Variants in EYA2 observed in about 807,000 individuals in gnomAD.
EYA2 encodes the protein EYA transcriptional coactivator and phosphatase 2.
A neutral mutation model predicts 69.2 loss-of-function variants in EYA2; 31 were observed. That is an observed-to-expected ratio of 0.45 (90% confidence interval 0.34 to 0.60). EYA2 has a LOEUF of 0.60. EYA2 is among the 20% of genes least tolerant of loss of function. EYA2 has a pLI of 0.02. For synonymous variants in EYA2, 257 were observed against 279.4 expected (o/e 0.92, Z 0.80); for missense variants, 622 against 701.2 (o/e 0.89, Z 1.28).
chr20:47,163,269 T>C (rs954947527), intron 10 of EYA2, among the ~76,000 whole-genome samples: 1 of 152,008 alleles, frequency 6.6e-6, no homozygotes, highest in Non-Finnish European at 1.5e-5. Context: ...GACCTCAAGC[T>C]ATCTGCCCAC....
chr20:47,118,752 C>T (rs184733632), intron 9 of EYA2, among the ~76,000 whole-genome samples: 1 of 152,322 alleles, frequency 6.6e-6, no homozygotes, highest in East Asian at 1.9e-4. Flanking sequence ...TATAGAATCA[C>T]TCAACTTGGG....
chr20:46,945,546 G>T (rs1286203736), intron 1 of EYA2, among the ~76,000 whole-genome samples: 1 of 152,238 alleles, frequency 6.6e-6, no homozygotes, highest in Non-Finnish European at 1.5e-5. Context: ...GGAAATGCAG[G>T]CTGCTACAAA....
At chr20:47,017,002 G>C (rs1458771378) in intron 5 of EYA2, among the ~76,000 whole-genome samples, 1 of 152,318 alleles carries the variant, frequency 6.6e-6, no homozygotes, top group South Asian at 2.1e-4. Flanking sequence ...CCAGGCAGGA[G>C]GATCAAGGCT....
chr20:46,918,128 G>A (rs1356457219), intron 1 of EYA2, among the ~76,000 whole-genome samples: 1 of 152,036 alleles, frequency 6.6e-6, no homozygotes, highest in Non-Finnish European at 1.5e-5. Context: ...AGACCATCCT[G>A]GCTAACACGC....
intron 10 of EYA2, among the ~76,000 whole-genome samples, chr20:47,165,241 C>G (rs1015728964): frequency 1.3e-5 from 2 of 152,154 alleles, no homozygotes; most frequent in African/African-American, 4.8e-5. Flanking sequence ...CAAAAAAGAT[C>G]ACTCCTTCTT....
intron 9 of EYA2, among the ~76,000 whole-genome samples, chr20:47,105,369 A>C (rs1456920710): frequency 6.6e-6 from 1 of 152,164 alleles, no homozygotes; most frequent in Non-Finnish European, 1.5e-5. Context: ...CCATGCCTGT[A>C]ATCCCAGCAC....
chr20:47,018,728 T>A (rs1193365932), intron 5 of EYA2, among the ~76,000 whole-genome samples: 1 of 152,238 alleles, frequency 6.6e-6, no homozygotes, highest in Non-Finnish European at 1.5e-5. Flanking sequence ...TAATATTCTT[T>A]CTTCTTACAG....
intron 9 of EYA2, chr20:47,117,380 C>G: frequency 3.0e-6 from 3 of 985,404 alleles, no homozygotes; most frequent in Non-Finnish European, 3.6e-6. Flanking sequence ...GATGGAGCCC[C>G]GAATTCACCT....
intron 12 of EYA2, 90 bp from the exon 13 acceptor site, chr20:47,179,708 C>A: frequency 1.2e-6 from 1 of 859,332 alleles, no homozygotes; most frequent in Non-Finnish European, 1.8e-6. Flanking sequence ...TTTTAACCCT[C>A]AGGGTACAGT....
chr20:47,020,343 C>G (rs974774503), intron 5 of EYA2, among the ~76,000 whole-genome samples: 6 of 152,102 alleles, frequency 3.9e-5, no homozygotes, highest in Non-Finnish European at 8.8e-5. Flanking sequence ...GCCATCACCC[C>G]GTAAGGCCCT....
At chr20:46,982,085 C>G (rs2146314377) in intron 1 of EYA2, among the ~76,000 whole-genome samples, 1 of 152,248 alleles carries the variant, frequency 6.6e-6, no homozygotes, top group East Asian at 1.9e-4. Flanking sequence ...ATCTATCCTC[C>G]TGCTCACATA....
At chr20:46,926,054 A>G (rs1453833943) in intron 1 of EYA2, among the ~76,000 whole-genome samples, 3 of 152,234 alleles carry the variant, frequency 2.0e-5, no homozygotes, top group African/African-American at 4.8e-5. Flanking sequence ...AGGAGGTAAT[A>G]TAGCATGCTA....
chr20:47,033,427 A>G (rs560573365), intron 5 of EYA2, among the ~76,000 whole-genome samples: 5 of 152,316 alleles, frequency 3.3e-5, no homozygotes, highest in Admixed American at 2.6e-4. Context: ...CTGTGTTCCA[A>G]TAAAACTTTA....
intron 5 of EYA2, among the ~76,000 whole-genome samples, chr20:47,067,214 A>T (rs980060670): frequency 1.1e-4 from 17 of 152,310 alleles, no homozygotes; most frequent in Admixed American, 2.6e-4. Flanking sequence ...AGAAAAGAGA[A>T]ATCAGAAGAG....
At chr20:46,988,063 T>C (rs2146325165) in intron 1 of EYA2, among the ~76,000 whole-genome samples, 1 of 148,004 alleles carries the variant, frequency 6.8e-6, no homozygotes, top group Non-Finnish European at 1.5e-5. Flanking sequence ...AACAACTGTT[T>C]ACATAGTGTT....
intron 1 of EYA2, among the ~76,000 whole-genome samples, chr20:46,966,290 C>G (rs149662376): frequency 1.3e-5 from 2 of 152,140 alleles, no homozygotes; most frequent in Non-Finnish European, 2.9e-5. Flanking sequence ...CCCAGCATAC[C>G]GTTCATTCAT....
At chr20:47,100,395 C>T (rs2032390662) in intron 9 of EYA2, among the ~76,000 whole-genome samples, 1 of 152,202 alleles carries the variant, frequency 6.6e-6, no homozygotes, top group Admixed American at 6.5e-5. Flanking sequence ...GGACATTCTC[C>T]AGCCCATCGC....
At chr20:46,972,655 C>T (rs1477419474) in intron 1 of EYA2, among the ~76,000 whole-genome samples, 1 of 152,090 alleles carries the variant, frequency 6.6e-6, no homozygotes, top group East Asian at 1.9e-4. Context: ...CCTTTTTATC[C>T]CCACCTGGCA....
At chr20:47,128,091 G>A (rs956928356) in intron 9 of EYA2, among the ~76,000 whole-genome samples, 12 of 152,314 alleles carry the variant, frequency 7.9e-5, no homozygotes, top group Admixed American at 5.2e-4. Context: ...GAGGGGAAAG[G>A]CTGGGAGCAG....
Sources: gnomAD v4.1 joint callset for allele counts (sites outside exome capture counted in the v4.1 genomes callset) on GRCh38, gnomAD v4.1.1 for gene constraint, MANE v1.5 for transcripts, NCBI Gene and HGNC (gene_info 2026-07-23, HGNC 2026-07-21) for gene names.